The following NFATC4 variants were observed in gnomAD, a reference collection of about 807,000 sequenced individuals.
The protein encoded by NFATC4 is nuclear factor of activated T cells 4, also known as nuclear factor of activated T-cells, cytoplasmic 4.
In NFATC4, 25 loss-of-function variants were observed where a neutral mutation model predicts 73.4. The ratio of observed to expected loss-of-function variants is 0.34; its 90% CI spans 0.25 to 0.48. The LOEUF is 0.48. Among genes scored for constraint, NFATC4 ranks in the 20% least tolerant of loss-of-function variants. The pLI is 0.99. For synonymous variants in NFATC4, 523 were observed against 510.3 expected (o/e 1.02, Z -0.34); for missense variants, 1,130 against 1,203.7 (o/e 0.94, Z 0.91).
chr14:24,373,923 T>C lies in NFATC4; in HGVS notation c.1732+56T>C, dbSNP rs1279615990. 6.2e-7 allele frequency: 1 copy of C among 1,603,560 alleles called. No homozygotes were observed. Among genetic ancestry groups the C allele is most frequent in the Non-Finnish European group, 8.5e-7 (1 of 1,174,482 alleles). On this transcript the variant is annotated intron_variant, in intron 5 of 9. Transcript: ENST00000250373. This position sits in a 1 kb window ranked among gnomAD's most constrained non-coding sequence, Gnocchi z 4.7. ...GTCTCTTGCAACTCTTTTGTCTGTG[T>C]GTGTGTGTCTGTCTGCCCATTCCCT...
chr14:24,375,761 A>G (rs1207066195), intron 7 of NFATC4, 46 bp downstream of exon 7: 1 of 1,448,490 alleles, frequency 6.9e-7, no homozygotes, highest in South Asian at 1.2e-5. Flanking sequence ...GGGTGGGAGA[A>G]GGCAGGGGAT....
chr14:24,370,700 CA>C, intron 2 of NFATC4, 106 bp downstream of exon 2: 1 of 1,439,000 alleles, frequency 6.9e-7, no homozygotes, highest in Non-Finnish European at 9.3e-7. Context: ...CTCTGAATTT[CA>C]AAAGAGTATC....
At position 24,377,086 on chromosome 14, in the gene NFATC4, C is replaced by T. The variant is rs2042644711; in HGVS notation, c.2641+208C>T. 1 of 1,330,972 alleles carries T rather than the reference C, an allele frequency of 7.5e-7. No homozygotes were observed. Among genetic ancestry groups the T allele is most frequent in the East Asian group, 2.8e-5 (1 of 35,620 alleles). 82.4% of individuals were successfully genotyped at this position (1,330,972 alleles called of 1,614,324 possible). A position where few individuals can be genotyped will look rare whatever the true frequency, so the allele number is the denominator to read the frequency against. The stretch of plus-strand genomic sequence containing the variant: ...TGAAGAGTGCATGGGGTAACTGTCT[C>T]AGCCTTTCTCCTGTCTCTGCCTCTG... On this transcript the variant is annotated intron_variant, in intron 9 of 9. Coordinates refer to ENST00000250373, the MANE Select transcript of NFATC4 (RefSeq NM_004554.5). The surrounding 1 kb of genome is among the most constrained non-coding windows in gnomAD (Gnocchi z 4.2).
chr14:24,369,281 AG>A (rs1037596045), intron 1 of NFATC4: 37 of 1,552,656 alleles, frequency 2.4e-5, no homozygotes, highest in African/African-American at 2.7e-5. Context: ...CCTCGGTCCT[AG>A]GATCCAGGGG....
chr14:24,374,060 C>T (rs2042546554), intron 5 of NFATC4, 193 bp downstream of exon 5: 1 of 934,532 alleles, frequency 1.1e-6, no homozygotes, highest in Non-Finnish European at 1.7e-6. Flanking sequence ...CCCAGAGTGA[C>T]ACTGGACCCT....
rs1201184872 is a variant in NFATC4, at chr14:24,377,328, CTTCTTCCCA to C, written c.2642-307_2642-299del. The C allele has an allele frequency of 7.8e-7, 1 of 1,279,216 alleles. No homozygotes were observed. Among genetic ancestry groups the C allele is most frequent in the African/African-American group, 1.5e-5 (1 of 67,204 alleles). The allele number at this position is 1,279,216 out of a possible 1,614,324, so 79.2% of individuals were successfully genotyped here. A position where few individuals can be genotyped will look rare whatever the true frequency, so the allele number is the denominator to read the frequency against. ...GAGGAGCTTTCCTGTTTTGCCTCTC[CTTCTTCCCA>C]TTGGCTACACCCATCTCTGGCCCTG... On this transcript the variant is annotated intron_variant, in intron 9 of 9. Coordinates refer to ENST00000250373, the MANE Select transcript of NFATC4 (RefSeq NM_004554.5). This position sits in a 1 kb window ranked among gnomAD's most constrained non-coding sequence, Gnocchi z 4.2.
upstream of NFATC4, chr14:24,367,578 C>T: frequency 6.5e-7 from 1 of 1,536,156 alleles, no homozygotes; most frequent in Non-Finnish European, 8.7e-7. Context: ...CTTTGGGGGT[C>T]CTGGAGGAAT....
In NFATC4 at chr14:24,377,033, G is replaced by A. The variant is rs1448201884; in HGVS notation, c.2641+155G>A. ...CAGGAGGCATGTTCTTGATGCCTGT[G>A]GCTGCCTGAATCCAATTAACTGAAT... is the stretch of plus-strand genomic sequence containing the variant. On this transcript the variant is annotated intron_variant, in intron 9 of 9. Transcript: ENST00000250373. This position sits in a 1 kb window ranked among gnomAD's most constrained non-coding sequence, Gnocchi z 4.2. 1 of 1,389,184 alleles carries A rather than the reference G, an allele frequency of 7.2e-7. No individual in the cohort carries two copies. The highest frequency in any genetic ancestry group is 1.5e-5 in the African/African-American group (1 of 68,532). The allele number at this position is 1,389,184 out of a possible 1,614,324, so 86.1% of individuals were successfully genotyped here. A position where few individuals can be genotyped will look rare whatever the true frequency, so the allele number is the denominator to read the frequency against.
chr14:24,370,506 A>G lies in NFATC4; in HGVS notation c.1108A>G (p.Lys370Glu), dbSNP rs1168849339. Reference sequence around the variant, plus strand: ...TGTGGCTCCTCCAGGAGGTTCCCGGAAGGAGGTGGCTGGCATGGACTACCT... The same window carrying G: ...TGTGGCTCCTCCAGGAGGTTCCCGGGAGGAGGTGGCTGGCATGGACTACCT... The part of the protein sequence containing the change: ...ESVAPPGGSR[K>E]EVAGMDYLAV... The change falls in exon 2 of 10, where the codon AAG becomes GAG. Residue 370 changes from lysine to glutamate, a missense_variant. By Grantham distance (56) the Lys-to-Glu change is moderately conservative (BLOSUM62 1). Around this residue, in one of 3 missense-constraint regions of NFATC4, gnomAD observed 585 missense variants for 574.3 expected, o/e 1.02. Transcript: ENST00000250373. 1.2e-6 allele frequency: 2 copies of G among 1,613,972 alleles called. No homozygotes were observed. Among genetic ancestry groups the G allele is most frequent in the African/African-American group, 1.3e-5 (1 of 74,888 alleles).
At position 24,379,498 on chromosome 14, in the gene NFATC4, T is replaced by C. The variant is rs1594727049; in HGVS notation, c.*1793T>C. On this transcript the variant is annotated 3_prime_UTR_variant, in exon 10 of 10. Coordinates refer to ENST00000250373, the MANE Select transcript of NFATC4 (RefSeq NM_004554.5). The stretch of plus-strand genomic sequence containing the variant: ...CTGCCAGGACACTGCCATTCATGCA[T>C]TGTCAGATATTTATTAAACAGCAGC... The C allele has an allele frequency of 6.6e-6, 1 of 152,236 alleles. No homozygotes were observed. Among genetic ancestry groups the C allele is most frequent in the Non-Finnish European group, 1.5e-5 (1 of 68,044 alleles). The allele number at this position is 152,236 out of a possible 1,614,324, so 9.4% of individuals were successfully genotyped here.
Position 24,377,852 on chromosome 14 carries a change from C to T in NFATC4, c.*147C>T, listed in dbSNP as rs564274421. 6.9e-7 allele frequency: 1 copy of T among 1,458,552 alleles called. No homozygotes were observed. Among genetic ancestry groups the T allele is most frequent in the African/African-American group, 1.4e-5 (1 of 71,534 alleles). The allele number at this position is 1,458,552 out of a possible 1,614,324, so 90.4% of individuals were successfully genotyped here. The stretch of plus-strand genomic sequence containing the variant: ...TTCTGTCTGTCTCACTGTCTTCCCT[C>T]CCCTCCCCCAGCTGAGGTGTGGCCC... On this transcript the variant is annotated 3_prime_UTR_variant, in exon 10 of 10. Transcript: ENST00000250373. The surrounding 1 kb of genome is among the most constrained non-coding windows in gnomAD (Gnocchi z 4.2).
intron 7 of NFATC4, 34 bp from the exon 8 acceptor site, chr14:24,375,941 G>A (rs768986369): frequency 5.0e-6 from 8 of 1,613,080 alleles, no homozygotes; most frequent in East Asian, 4.5e-5. Flanking sequence ...CCAGATGCCC[G>A]AGGGCTCCCT....
In NFATC4 at chr14:24,376,955, G is replaced by C; in HGVS notation, c.2641+77G>C. 3 of 1,431,874 alleles carry C rather than the reference G, an allele frequency of 2.1e-6. No homozygotes were observed. The highest frequency in any genetic ancestry group is 2.7e-6 in the Non-Finnish European group (3 of 1,094,538). The allele number at this position is 1,431,874 out of a possible 1,614,324, so 88.7% of individuals were successfully genotyped here. On this transcript the variant is annotated intron_variant, in intron 9 of 9. Transcript: ENST00000250373. This position sits in a 1 kb window ranked among gnomAD's most constrained non-coding sequence, Gnocchi z 5.0. Reference sequence around the variant, plus strand: ...TGCATGTTTGCTGAGGGCTGGAGCTGGGCTTTTCAGAGATCGGGCATCCCT... The same window carrying C: ...TGCATGTTTGCTGAGGGCTGGAGCTCGGCTTTTCAGAGATCGGGCATCCCT...
Position 24,377,066 on chromosome 14 carries a change from A to G in NFATC4, c.2641+188A>G. On this transcript the variant is annotated intron_variant, in intron 9 of 9. Transcript: ENST00000250373. This position sits in a 1 kb window ranked among gnomAD's most constrained non-coding sequence, Gnocchi z 4.2. ...GAATCCAATTAACTGAATTCTGAAG[A>G]GTGCATGGGGTAACTGTCTCAGCCT... 7.3e-7 allele frequency: 1 copy of G among 1,375,844 alleles called. No individual in the cohort carries two copies. Among genetic ancestry groups the G allele is most frequent in the Admixed American group, 3.4e-5 (1 of 29,178 alleles). 85.2% of individuals were successfully genotyped at this position (1,375,844 alleles called of 1,614,324 possible). A position where few individuals can be genotyped will look rare whatever the true frequency, so the allele number is the denominator to read the frequency against.
Position 24,379,452 on chromosome 14 carries a change from C to T in NFATC4, c.*1747C>T, listed in dbSNP as rs566401667. ...AAAGCTGTTAGGACTTGTTGCCTCT[C>T]AAGGTGGACTATTCTGTTTTCTGCC... On this transcript the variant is annotated 3_prime_UTR_variant, in exon 10 of 10. Coordinates refer to ENST00000250373, the MANE Select transcript of NFATC4 (RefSeq NM_004554.5). The T allele has an allele frequency of 6.6e-6, 1 of 152,312 alleles. No individual in the cohort carries two copies. The highest frequency in any genetic ancestry group is 2.4e-5 in the African/African-American group (1 of 41,544). 9.4% of individuals were successfully genotyped at this position (152,312 alleles called of 1,614,324 possible). A position where few individuals can be genotyped will look rare whatever the true frequency, so the allele number is the denominator to read the frequency against.
At chr14:24,375,390 G>T (rs1303491487) in intron 6 of NFATC4, among the ~76,000 whole-genome samples, 1 of 152,100 alleles carries the variant, frequency 6.6e-6, no homozygotes, top group Non-Finnish European at 1.5e-5. Flanking sequence ...GGGCTCAAGG[G>T]TTGCTTCCGT....
rs755839693 is a variant in NFATC4 at position 24,377,616 on chromosome 14, C to G, written c.2642-22C>G. ...AGGGGACCCACCTCTAGCCCAGTCT[C>G]TCAACTGCCCCTCCTTTACAGTGAG... On this transcript the variant is annotated intron_variant, in intron 9 of 9. Transcript: ENST00000250373. The surrounding 1 kb of genome is among the most constrained non-coding windows in gnomAD (Gnocchi z 4.2). 1.2e-5 allele frequency: 20 copies of G among 1,614,030 alleles called. No homozygotes were observed. Among genetic ancestry groups the G allele is most frequent in the African/African-American group, 2.7e-5 (2 of 74,908 alleles).
chr14:24,368,981 A>C, intron 1 of NFATC4: 7 of 1,089,342 alleles, frequency 6.4e-6, no homozygotes, highest in Non-Finnish European at 8.0e-6. Context: ...CCCAGCACGC[A>C]TCACCCCCTC....
chr14:24,369,459 CTT>C, intron 1 of NFATC4, 38 bp from the exon 2 acceptor site: 2 of 1,612,428 alleles, frequency 1.2e-6, no homozygotes, highest in Non-Finnish European at 1.7e-6. Context: ...CTGCTTCTCT[CTT>C]TCCCCCTCTC....
Sources: allele counts gnomAD v4.1 joint callset (sites outside exome capture counted in the v4.1 genomes callset), GRCh38; gene constraint gnomAD v4.1.1; regional missense constraint gnomAD v4.1.1; non-coding constraint Gnocchi (gnomAD v3.1); transcripts MANE v1.5; gene names NCBI Gene and HGNC (gene_info 2026-07-23, HGNC 2026-07-21).